XKR4: variants seen among roughly 807,000 people sequenced by gnomAD.
The protein encoded by XKR4 is XK-related protein 4.
XKR4 carries 12 observed loss-of-function variants against 53.9 expected under a neutral mutation model. The ratio of observed to expected loss-of-function variants is 0.22; its 90% CI spans 0.14 to 0.36. The LOEUF (loss-of-function observed/expected upper bound fraction) is 0.36. Among genes scored for constraint, XKR4 ranks in the 10% least tolerant of loss-of-function variants. XKR4 has a pLI of 1.00. For missense variants in XKR4, 799 were observed against 859.5 expected (o/e 0.93, Z 0.88); for synonymous variants, 354 against 362.4 (o/e 0.98, Z 0.26).
intron 2 of XKR4, among the ~76,000 whole-genome samples, chr8:55,389,253 A>G (rs1377189813): frequency 6.6e-6 from 1 of 152,158 alleles, no homozygotes; most frequent in Admixed American, 6.6e-5. Flanking sequence ...GAGACAATAA[A>G]TTTCTGTTGT....
chr8:55,207,013 C>G (rs1227499831), intron 1 of XKR4, among the ~76,000 whole-genome samples: 1 of 152,226 alleles, frequency 6.6e-6, no homozygotes, highest in Non-Finnish European at 1.5e-5. Context: ...GTCCTGTGAT[C>G]CACTTGGCAT....
chr8:55,176,328 C>T (rs1415346776), intron 1 of XKR4, among the ~76,000 whole-genome samples: 2 of 152,202 alleles, frequency 1.3e-5, no homozygotes, highest in African/African-American at 2.4e-5. Flanking sequence ...CTGTGGGGTT[C>T]GCTCTGCTAG....
intron 2 of XKR4, among the ~76,000 whole-genome samples, chr8:55,491,625 GGTTT>G (rs112852043): frequency 0.42 from 62,620 of 149,674 alleles, 14,467 homozygotes; most frequent in African/African-American, 0.62. Context: ...TGTCTTTGGG[GGTTT>G]GTTTGTTTGT....
chr8:55,503,828 G>C (rs1304890473), intron 2 of XKR4, among the ~76,000 whole-genome samples: 1 of 151,976 alleles, frequency 6.6e-6, no homozygotes, highest in South Asian at 2.1e-4. Context: ...TATTTTTTTA[G>C]CTGTGGGCTT....
At chr8:55,205,204 T>G (rs1270537739) in intron 1 of XKR4, among the ~76,000 whole-genome samples, 1 of 152,246 alleles carries the variant, frequency 6.6e-6, no homozygotes, top group Non-Finnish European at 1.5e-5. Context: ...TAGGCCAGCC[T>G]TTTCTAAGAA....
chr8:55,504,187 TTTTTGTTTTGTTTTGTTTTG>T (rs34175312), intron 2 of XKR4, among the ~76,000 whole-genome samples: 7 of 145,898 alleles, frequency 4.8e-5, no homozygotes, highest in African/African-American at 1.5e-4. Flanking sequence ...GTTGTTGTTG[TTTTTGTTTTGTTTTGTTTTG>T]TTTTGTTTTG....
In XKR4 at chr8:55,523,886, C is replaced by G. The variant is rs753077383; in HGVS notation, c.1612C>G (p.Pro538Ala). The change falls in exon 3 of 3, where the codon CCC becomes GCC. Residue 538 changes from proline to alanine, a missense_variant. This residue lies in a region of XKR4 where 269 missense variants were observed against 264.4 expected (regional missense o/e 1.02). Transcript: ENST00000327381. ...GGACCCAGCCGCTGCCTTCACTTTG[C>G]CCCCAGACGTGGCCACAAGCACCCT... ...CEDPAAAFTLPPDVATSTLRS... is the reference protein window; with the variant it reads ...CEDPAAAFTLAPDVATSTLRS... 2 of 1,614,162 alleles carry G rather than the reference C, an allele frequency of 1.2e-6. No homozygotes were observed. The highest frequency in any genetic ancestry group is 1.7e-6 in the Non-Finnish European group (2 of 1,180,020).
At chr8:55,377,354 C>G (rs777701134) in intron 2 of XKR4, among the ~76,000 whole-genome samples, 2 of 152,200 alleles carry the variant, frequency 1.3e-5, no homozygotes, top group Non-Finnish European at 2.9e-5. Context: ...TGCTCTGTCT[C>G]ATACCTGATA....
chr8:55,517,077 G>T (rs1806723456), intron 2 of XKR4, among the ~76,000 whole-genome samples: 1 of 151,998 alleles, frequency 6.6e-6, no homozygotes, highest in African/African-American at 2.4e-5. Flanking sequence ...CTAAACAATG[G>T]GTACATGTGG....
At chr8:55,509,872 T>C (rs987202226) in intron 2 of XKR4, among the ~76,000 whole-genome samples, 5 of 152,228 alleles carry the variant, frequency 3.3e-5, no homozygotes, top group South Asian at 4.1e-4. Flanking sequence ...AGAAAGTTCA[T>C]AGTGCTCCTG....
chr8:55,275,671 A>G (rs1195425030), intron 1 of XKR4, among the ~76,000 whole-genome samples: 1 of 152,202 alleles, frequency 6.6e-6, no homozygotes, highest in African/African-American at 2.4e-5. Flanking sequence ...TCAAGAAGAT[A>G]TTGCCTATAC....
At chr8:55,192,303 A>C (rs1817453677) in intron 1 of XKR4, among the ~76,000 whole-genome samples, 1 of 150,886 alleles carries the variant, frequency 6.6e-6, no homozygotes, top group Admixed American at 6.6e-5. Flanking sequence ...TTGGAGCATA[A>C]AACTACTAAG....
chr8:55,404,939 G>GATGCTGCGTT (rs1466043135), intron 2 of XKR4, among the ~76,000 whole-genome samples: 24 of 152,216 alleles, frequency 1.6e-4, no homozygotes, highest in Non-Finnish European at 2.9e-4. Flanking sequence ...TTACGTCTTT[G>GATGCTGCGTT]ATGCTGCGTT....
At chr8:55,122,754 A>T (rs928118144) in intron 1 of XKR4, among the ~76,000 whole-genome samples, 1 of 152,236 alleles carries the variant, frequency 6.6e-6, no homozygotes, top group Non-Finnish European at 1.5e-5. Context: ...TGTTCAAATG[A>T]ACTCTATTCT....
At chr8:55,395,610 A>G (rs970918441) in intron 2 of XKR4, among the ~76,000 whole-genome samples, 1 of 152,148 alleles carries the variant, frequency 6.6e-6, no homozygotes, top group Non-Finnish European at 1.5e-5. Flanking sequence ...ATGGCCTGTC[A>G]TTCACCTGCA....
chr8:55,136,811 C>G (rs1816637480), intron 1 of XKR4, among the ~76,000 whole-genome samples: 1 of 152,156 alleles, frequency 6.6e-6, no homozygotes, highest in Admixed American at 6.6e-5. Context: ...AACTTTAGCT[C>G]TTAAAATACT....
chr8:55,433,359 G>T (rs1805128994), intron 2 of XKR4, among the ~76,000 whole-genome samples: 1 of 152,182 alleles, frequency 6.6e-6, no homozygotes, highest in Non-Finnish European at 1.5e-5. Flanking sequence ...TTACACATAG[G>T]ATTTAGTTCT....
intron 2 of XKR4, among the ~76,000 whole-genome samples, chr8:55,360,245 T>C (rs1178190025): frequency 6.6e-6 from 1 of 152,154 alleles, no homozygotes; most frequent in African/African-American, 2.4e-5. Context: ...CGACAGACCC[T>C]CCAGCCAACG....
intron 1 of XKR4, among the ~76,000 whole-genome samples, chr8:55,293,328 C>CA (rs570222351): frequency 5.2e-4 from 79 of 151,834 alleles, no homozygotes; most frequent in African/African-American, 1.8e-3. Context: ...AACTCCATCT[C>CA]AAAAAATAAA....
Sources: gnomAD v4.1 joint callset for allele counts (sites outside exome capture counted in the v4.1 genomes callset) on GRCh38, gnomAD v4.1.1 for gene constraint, gnomAD v4.1.1 regional missense constraint, MANE v1.5 for transcripts, NCBI Gene and HGNC (gene_info 2026-07-23, HGNC 2026-07-21) for gene names.